The following KAZN variants were observed in gnomAD, a reference collection of about 807,000 sequenced individuals.
The protein encoded by KAZN is kazrin.
Under a neutral mutation model 87.4 loss-of-function variants are expected in KAZN, and 40 were observed. The ratio of observed to expected loss-of-function variants is 0.46; its 90% CI spans 0.36 to 0.60. The LOEUF is 0.60. Ranked by LOEUF, KAZN falls within the 20% of genes least tolerant of loss-of-function variation. KAZN has a pLI of 0.00. For missense variants in KAZN, 898 were observed against 1,073.9 expected (o/e 0.84, Z 2.29); for synonymous variants, 466 against 458.3 (o/e 1.02, Z -0.22).
chr1:14,164,531 C>T (rs1157886735), intron 1 of KAZN, among the ~76,000 whole-genome samples: 1 of 141,216 alleles, frequency 7.1e-6, no homozygotes, highest in African/African-American at 2.7e-5. Context: ...ATGTGAGTTT[C>T]CTCTTTTTTT....
chr1:14,405,053 G>T (rs914125636), intron 2 of KAZN, among the ~76,000 whole-genome samples: 5 of 152,146 alleles, frequency 3.3e-5, no homozygotes, highest in African/African-American at 4.8e-5. Flanking sequence ...TGTGTGTGGT[G>T]GGGGGTAGGG....
At chr1:14,206,093 G>A (rs190980897) in intron 2 of KAZN, among the ~76,000 whole-genome samples, 115 of 152,132 alleles carry the variant, frequency 7.6e-4, no homozygotes, top group African/African-American at 2.5e-3. Flanking sequence ...ATTCCTACCT[G>A]TAAGTAATGA....
chr1:14,224,354 T>C (rs916092794), intron 2 of KAZN, among the ~76,000 whole-genome samples: 1 of 152,166 alleles, frequency 6.6e-6, no homozygotes, highest in African/African-American at 2.4e-5. Context: ...CTTTGGATTT[T>C]AAAGGTTGTA....
intron 2 of KAZN, among the ~76,000 whole-genome samples, chr1:14,444,183 T>C (rs1484455106): frequency 6.6e-6 from 1 of 152,162 alleles, no homozygotes; most frequent in Non-Finnish European, 1.5e-5. Flanking sequence ...CTTCATGAGA[T>C]GTACATATAC....
At chr1:14,505,028 G>A (rs1670478211) in intron 2 of KAZN, among the ~76,000 whole-genome samples, 1 of 152,150 alleles carries the variant, frequency 6.6e-6, no homozygotes, top group Non-Finnish European at 1.5e-5. Flanking sequence ...AGCTCAGGAG[G>A]GAACTAGGGA....
intron 1 of KAZN, among the ~76,000 whole-genome samples, chr1:13,980,247 T>C (rs1425153025): frequency 6.6e-6 from 1 of 152,116 alleles, no homozygotes; most frequent in Non-Finnish European, 1.5e-5. Flanking sequence ...AATTGAACAA[T>C]AAACAGAAAA....
chr1:14,618,176 G>A (rs1035851384), intron 1 of KAZN, among the ~76,000 whole-genome samples: 4 of 152,216 alleles, frequency 2.6e-5, no homozygotes, highest in East Asian at 3.9e-4. Flanking sequence ...AGTTTGTAAG[G>A]TGTGTCCCAT....
At chr1:14,405,247 G>A (rs1244645774) in intron 2 of KAZN, among the ~76,000 whole-genome samples, 1 of 152,192 alleles carries the variant, frequency 6.6e-6, no homozygotes, top group African/African-American at 2.4e-5. Flanking sequence ...AGGAATGCAA[G>A]ATACTTTGTA....
At chr1:14,246,814 C>T (rs1041307732) in intron 2 of KAZN, among the ~76,000 whole-genome samples, 7 of 151,900 alleles carry the variant, frequency 4.6e-5, no homozygotes, top group African/African-American at 1.7e-4. Flanking sequence ...TTTTTTCAAA[C>T]AATATTATGT....
At chr1:14,011,266 C>T (rs997322163) in intron 1 of KAZN, among the ~76,000 whole-genome samples, 6 of 152,302 alleles carry the variant, frequency 3.9e-5, no homozygotes, top group South Asian at 4.1e-4. Flanking sequence ...TGATCAGATT[C>T]GTTTCGCACT....
chr1:15,039,754 AT>A (rs34785227), intron 3 of KAZN, among the ~76,000 whole-genome samples: 32,504 of 151,992 alleles, frequency 0.21, 3,696 homozygotes, highest in Non-Finnish European at 0.26. Context: ...GCACCGTGTC[AT>A]TTTTTAAGAC....
intron 1 of KAZN, among the ~76,000 whole-genome samples, chr1:14,851,039 C>A (rs1434676025): frequency 6.6e-6 from 1 of 152,210 alleles, no homozygotes; most frequent in Non-Finnish European, 1.5e-5. Flanking sequence ...TGGGGATACT[C>A]CCTGAGTTGG....
At chr1:15,031,944 T>C (rs1389475221) in intron 2 of KAZN, among the ~76,000 whole-genome samples, 1 of 152,072 alleles carries the variant, frequency 6.6e-6, no homozygotes, top group African/African-American at 2.4e-5. Context: ...TTTATTGACA[T>C]GTAATTCACA....
chr1:14,229,990 A>G (rs1400867904), intron 2 of KAZN, among the ~76,000 whole-genome samples: 1 of 152,244 alleles, frequency 6.6e-6, no homozygotes, highest in African/African-American at 2.4e-5. Context: ...CTCCGAGAGA[A>G]CCTTCCACAG....
At chr1:14,529,837 G>A (rs1181099131) in intron 2 of KAZN, among the ~76,000 whole-genome samples, 1 of 152,222 alleles carries the variant, frequency 6.6e-6, no homozygotes, top group African/African-American at 2.4e-5. Context: ...GACTTGGGCA[G>A]AAGGTTAAAT....
At chr1:14,427,065 G>C (rs532798987) in intron 2 of KAZN, among the ~76,000 whole-genome samples, 1 of 152,212 alleles carries the variant, frequency 6.6e-6, no homozygotes, top group South Asian at 2.1e-4. Context: ...CACAAGACCT[G>C]TAAAATTGTT....
chr1:14,832,395 C>T (rs1377803410), intron 1 of KAZN, among the ~76,000 whole-genome samples: 1 of 152,154 alleles, frequency 6.6e-6, no homozygotes, highest in Non-Finnish European at 1.5e-5. Context: ...TACTGCTCAG[C>T]AGCTTCGACA....
At chr1:14,577,479 G>C (rs759232413) in intron 2 of KAZN, among the ~76,000 whole-genome samples, 14 of 152,186 alleles carry the variant, frequency 9.2e-5, no homozygotes, top group Non-Finnish European at 1.9e-4. Flanking sequence ...TTGGCACAGA[G>C]GGGAGGTGAG....
chr1:14,848,075 T>A (rs931469013), intron 1 of KAZN, among the ~76,000 whole-genome samples: 2 of 152,182 alleles, frequency 1.3e-5, no homozygotes, highest in Non-Finnish European at 1.5e-5. Context: ...ATGAAAAACA[T>A]GCAAATTTGA....
Sources: allele counts gnomAD v4.1 joint callset (sites outside exome capture counted in the v4.1 genomes callset), GRCh38; gene constraint gnomAD v4.1.1; transcripts MANE v1.5; gene names NCBI Gene and HGNC (gene_info 2026-07-23, HGNC 2026-07-21).